PCDH15: variants seen among roughly 807,000 people sequenced by gnomAD.
The protein encoded by PCDH15 is protocadherin-15.
In PCDH15, 129 loss-of-function variants were observed where a neutral mutation model predicts 178.5. The ratio of observed to expected loss-of-function variants is 0.72; its 90% CI spans 0.63 to 0.84. The LOEUF is 0.84. Among genes scored for constraint, PCDH15 ranks in the 40% least tolerant of loss-of-function variants. The probability of loss-of-function intolerance (pLI) is 0.00; values close to 1 mark genes in which losing one functional copy is unlikely to be tolerated. For missense variants in PCDH15, 2,230 were observed against 2,099.9 expected (o/e 1.06, Z -1.21); for synonymous variants, 800 against 732.0 (o/e 1.09, Z -1.50).
At chr10:54,293,808 T>C (rs2059576658) in intron 8 of PCDH15, among the ~76,000 whole-genome samples, 1 of 152,098 alleles carries the variant, frequency 6.6e-6, no homozygotes, top group South Asian at 2.1e-4. Flanking sequence ...CATTAAAAAG[T>C]CGGGAAACAA....
At chr10:54,056,710 A>G (rs902377860) in intron 18 of PCDH15, among the ~76,000 whole-genome samples, 6 of 152,034 alleles carry the variant, frequency 3.9e-5, no homozygotes, top group Non-Finnish European at 7.4e-5. Context: ...TTCAAAACCA[A>G]TCATGCCTTC....
intron 3 of PCDH15, among the ~76,000 whole-genome samples, chr10:54,508,771 T>C (rs1240320802): frequency 6.6e-6 from 1 of 152,112 alleles, no homozygotes; most frequent in East Asian, 1.9e-4. Flanking sequence ...CAATTTCTCC[T>C]TCTTCTGATG....
intron 1 of PCDH15, among the ~76,000 whole-genome samples, chr10:54,754,366 G>C (rs1042971477): frequency 1.3e-5 from 2 of 151,990 alleles, no homozygotes; most frequent in African/African-American, 4.8e-5. Context: ...AGATAGACTC[G>C]TTCCATGATT....
In PCDH15 at chr10:54,782,780, G is replaced by T. The variant is rs569030478; in HGVS notation, c.-29+18145C>A. ...CTGCCACACACAGGAGAGCTGGCCAGCCCAATATCTTTCTCTCCAGCAAGG... is the reference window on the plus strand; with the variant it reads ...CTGCCACACACAGGAGAGCTGGCCATCCCAATATCTTTCTCTCCAGCAAGG... On this transcript the variant is annotated intron_variant, in intron 1 of 37. Coordinates refer to ENST00000644397, the MANE Select transcript of PCDH15 (RefSeq NM_001384140.1). Among the ~76,000 whole-genome samples, 3 of 152,072 alleles carry T rather than the reference G, an allele frequency of 2.0e-5. No homozygotes were observed. In the South Asian group the frequency reaches 6.2e-4, roughly 32 times the overall value.
At chr10:54,937,544 T>C (rs1584903) in intron 2 of PCDH15, among the ~76,000 whole-genome samples, 20,324 of 151,954 alleles carry the variant, frequency 0.13, 1,548 homozygotes, top group East Asian at 0.23. Flanking sequence ...TTTTGTTAAA[T>C]TTATTCTTTA....
intron 18 of PCDH15, among the ~76,000 whole-genome samples, chr10:54,024,830 C>A (rs774886437): frequency 4.6e-5 from 7 of 152,132 alleles, no homozygotes; most frequent in Non-Finnish European, 8.8e-5. Context: ...ACAACCAACA[C>A]TGCCTTCTCC....
chr10:55,486,551 G>A (rs948380208), intron 2 of PCDH15, among the ~76,000 whole-genome samples: 4 of 151,678 alleles, frequency 2.6e-5, no homozygotes, highest in African/African-American at 7.2e-5. Flanking sequence ...ACATGAATTA[G>A]TCTTGTCCAT....
chr10:55,558,828 C>G (rs1345947231), intron 2 of PCDH15, among the ~76,000 whole-genome samples: 1 of 151,934 alleles, frequency 6.6e-6, no homozygotes, highest in Non-Finnish European at 1.5e-5. Flanking sequence ...TAGAGGTAGT[C>G]TTTTAGTATT....
chr10:55,262,472 A>T (rs1341665122), intron 1 of PCDH15, among the ~76,000 whole-genome samples: 1 of 152,192 alleles, frequency 6.6e-6, no homozygotes, highest in Admixed American at 6.5e-5. Flanking sequence ...AGGCGGCTGG[A>T]TGCTGAGAGG....
intron 18 of PCDH15, among the ~76,000 whole-genome samples, chr10:54,030,772 C>T (rs2093269662): frequency 6.6e-6 from 1 of 152,020 alleles, no homozygotes; most frequent in South Asian, 2.1e-4. Flanking sequence ...CTCAGACTAA[C>T]TCTCTGACAC....
chr10:55,153,946 A>G (rs1429310940), intron 2 of PCDH15, among the ~76,000 whole-genome samples: 1 of 152,198 alleles, frequency 6.6e-6, no homozygotes, highest in Middle Eastern at 3.2e-3. Flanking sequence ...TTAAACATTT[A>G]CAAATTGGCT....
At chr10:55,371,007 C>G (rs995448210) in intron 2 of PCDH15, among the ~76,000 whole-genome samples, 2 of 151,944 alleles carry the variant, frequency 1.3e-5, no homozygotes, top group Non-Finnish European at 2.9e-5. Context: ...TTTTGATTTA[C>G]GAAAATGAAG....
At chr10:54,025,793 G>A (rs557628272) in intron 18 of PCDH15, among the ~76,000 whole-genome samples, 1 of 151,986 alleles carries the variant, frequency 6.6e-6, no homozygotes, top group African/African-American at 2.4e-5. Context: ...CACTGCGCCT[G>A]GCCATTTCTT....
intron 2 of PCDH15, among the ~76,000 whole-genome samples, chr10:55,119,325 T>C (rs1219078506): frequency 6.6e-6 from 1 of 152,136 alleles, no homozygotes; most frequent in Non-Finnish European, 1.5e-5. Flanking sequence ...CCTTCGACTT[T>C]TTCCTAGTTT....
intron 1 of PCDH15, among the ~76,000 whole-genome samples, chr10:54,756,710 A>C (rs1482112578): frequency 1.3e-5 from 1 of 75,468 alleles, no homozygotes; most frequent in African/African-American, 4.7e-5. Context: ...GTCTGTCTGT[A>C]TGTATGTGAA....
At chr10:54,621,393 T>G (rs552466899) in intron 2 of PCDH15, among the ~76,000 whole-genome samples, 55 of 152,102 alleles carry the variant, frequency 3.6e-4, no homozygotes, top group Non-Finnish European at 6.8e-4. Context: ...AAGTTTACTT[T>G]GCCTGAGAAA....
At chr10:53,821,429 T>C in intron 32 of PCDH15, 1 of 1,006,144 alleles carries the variant, frequency 9.9e-7, no homozygotes, top group Non-Finnish European at 1.2e-6. Flanking sequence ...AACCTATCAA[T>C]CATATCAGTT....
At position 54,442,417 on chromosome 10, in the gene PCDH15, TATATATATATATA is replaced by T. The variant is rs2075858957; in HGVS notation, c.158-63488_158-63476del. ...AAAAAAAAAAAGGCCTTAAAGGCTA[TATATATATATATA>T]TATATATATATATATATATATATAT... On this transcript the variant is annotated intron_variant, in intron 3 of 37. Coordinates refer to ENST00000644397, the MANE Select transcript of PCDH15 (RefSeq NM_001384140.1). Among the ~76,000 whole-genome samples the T allele has an allele frequency of 2.7e-3, 164 of 60,738 alleles. 9 individuals carry two copies. In the South Asian group the frequency reaches 0.028, roughly 10 times the overall value. 39.8% of individuals were successfully genotyped at this position (60,738 alleles called of 152,430 possible). A position where few individuals can be genotyped will look rare whatever the true frequency, so the allele number is the denominator to read the frequency against.
At chr10:55,419,649 TC>T (rs572492056) in intron 2 of PCDH15, among the ~76,000 whole-genome samples, 64 of 151,858 alleles carry the variant, frequency 4.2e-4, no homozygotes, top group African/African-American at 1.5e-3. Context: ...CTTTTGAAAC[TC>T]TGGTGCCAAC....
Sources: gnomAD v4.1 joint callset for allele counts (sites outside exome capture counted in the v4.1 genomes callset) on GRCh38, gnomAD v4.1.1 for gene constraint, MANE v1.5 for transcripts, NCBI Gene and HGNC (gene_info 2026-07-23, HGNC 2026-07-21) for gene names.